Variants in LUZP2 observed in about 807,000 individuals in gnomAD.
LUZP2 encodes the protein leucine zipper protein 2.
A neutral mutation model predicts 51.6 loss-of-function variants in LUZP2; 52 were observed. The ratio of observed to expected loss-of-function variants is 1.01; its 90% CI spans 0.81 to 1.27. The LOEUF (loss-of-function observed/expected upper bound fraction) is 1.27. Among genes scored for constraint, LUZP2 ranks in the 50% most tolerant of loss-of-function variants. The pLI is 0.00. For missense variants in LUZP2, 436 were observed against 395.4 expected, an observed-to-expected ratio of 1.10 and a Z score of -0.87; for synonymous variants, 154 against 137.3, an observed-to-expected ratio of 1.12 and a Z score of -0.85.
chr11:24,910,115 C>G (rs1023034122), intron 6 of LUZP2, among the ~76,000 whole-genome samples: 1 of 151,968 alleles, frequency 6.6e-6, no homozygotes, highest in Non-Finnish European at 1.5e-5. Context: ...TTGCCCCTGC[C>G]CTAGAGTTCT....
rs888888878 is a variant in LUZP2 at position 24,690,005 on chromosome 11, T to C, written c.63-39164T>C. 2.2e-4 allele frequency among the ~76,000 whole-genome samples: 34 copies of C among 152,278 alleles called. 1 individual carries two copies. Among genetic ancestry groups the C allele is most frequent in the Non-Finnish European group, 2.1e-4 (14 of 68,010 alleles). Reference sequence around the variant, plus strand: ...GAAAAGGTGTTTAGCTATTTTCTTATACATGTATTTCTCTATTTTTAGCAG... The same window carrying C: ...GAAAAGGTGTTTAGCTATTTTCTTACACATGTATTTCTCTATTTTTAGCAG... On this transcript the variant is annotated intron_variant, in intron 1 of 11. Coordinates refer to ENST00000336930, the MANE Select transcript of LUZP2 (RefSeq NM_001009909.4).
At chr11:24,818,461 C>G (rs1850253130) in intron 5 of LUZP2, among the ~76,000 whole-genome samples, 1 of 151,828 alleles carries the variant, frequency 6.6e-6, no homozygotes, top group Admixed American at 6.6e-5. Context: ...AAGCAGTGTC[C>G]TAGAGGTGGT....
At chr11:25,036,483 GTT>G (rs1299367271) in intron 9 of LUZP2, among the ~76,000 whole-genome samples, 5 of 151,160 alleles carry the variant, frequency 3.3e-5, no homozygotes, top group African/African-American at 1.2e-4. Context: ...TTCTTCTCTA[GTT>G]TTAGTTATTT....
At chr11:24,602,156 ATGTATATATG>A (rs1314508989) in intron 1 of LUZP2, among the ~76,000 whole-genome samples, 1,773 of 122,058 alleles carry the variant, frequency 0.015, 59 homozygotes, top group African/African-American at 0.024. Flanking sequence ...ATATGTATAT[ATGTATATATG>A]TGTATATATA....
chr11:24,645,686 A>T (rs1855440991), intron 1 of LUZP2, among the ~76,000 whole-genome samples: 1 of 152,134 alleles, frequency 6.6e-6, no homozygotes, highest in African/African-American at 2.4e-5. Flanking sequence ...TTTCACAAAA[A>T]ATTAAATATA....
intron 1 of LUZP2, among the ~76,000 whole-genome samples, chr11:24,579,000 A>G (rs899965706): frequency 3.3e-5 from 5 of 152,144 alleles, no homozygotes; most frequent in African/African-American, 1.2e-4. Flanking sequence ...ATCTTTATAG[A>G]AAAAATTTTC....
At chr11:25,053,571 T>G in intron 10 of LUZP2, among the ~76,000 whole-genome samples, 1 of 150,220 alleles carries the variant, frequency 6.7e-6, no homozygotes, top group Non-Finnish European at 1.5e-5. Context: ...ATACAATGAG[T>G]CCTCATCCCC....
intron 3 of LUZP2, among the ~76,000 whole-genome samples, chr11:24,736,356 A>G (rs1022358958): frequency 6.6e-6 from 1 of 152,006 alleles, no homozygotes; most frequent in Non-Finnish European, 1.5e-5. Flanking sequence ...AAATTGCTTA[A>G]AAATTTATTA....
At chr11:24,817,595 G>C (rs1406218764) in intron 5 of LUZP2, among the ~76,000 whole-genome samples, 1 of 152,058 alleles carries the variant, frequency 6.6e-6, no homozygotes, top group East Asian at 1.9e-4. Context: ...ATGAATACAA[G>C]TTCTTGAAAA....
chr11:24,759,076 A>C (rs952293503), intron 4 of LUZP2, among the ~76,000 whole-genome samples: 2 of 152,152 alleles, frequency 1.3e-5, no homozygotes, highest in African/African-American at 4.8e-5. Context: ...TGTGACCCTA[A>C]TGGAAAACCC....
chr11:24,585,387 GT>G (rs1284775171), intron 1 of LUZP2, among the ~76,000 whole-genome samples: 1 of 152,166 alleles, frequency 6.6e-6, no homozygotes, highest in Non-Finnish European at 1.5e-5. Context: ...TTGTAAATCA[GT>G]AGCCAGTGTC....
chr11:24,890,428 A>G (rs137868196), intron 5 of LUZP2, among the ~76,000 whole-genome samples: 1,692 of 152,322 alleles, frequency 0.011, 34 homozygotes, highest in African/African-American at 0.031. Context: ...GTATTCAGCT[A>G]TGCAGATGCA....
intron 1 of LUZP2, among the ~76,000 whole-genome samples, chr11:24,676,492 A>T (rs1856555555): frequency 6.6e-6 from 1 of 152,212 alleles, no homozygotes; most frequent in Non-Finnish European, 1.5e-5. Context: ...AGAGATTGTA[A>T]CATAAATTAA....
At chr11:24,694,901 C>T (rs1010819039) in intron 1 of LUZP2, among the ~76,000 whole-genome samples, 4 of 149,946 alleles carry the variant, frequency 2.7e-5, no homozygotes, top group East Asian at 3.9e-4. Flanking sequence ...AGGGGAACAT[C>T]ACACATTGGG....
chr11:24,711,564 C>T (rs1320900990), intron 1 of LUZP2, among the ~76,000 whole-genome samples: 1 of 152,016 alleles, frequency 6.6e-6, no homozygotes, highest in Non-Finnish European at 1.5e-5. Flanking sequence ...GATGATTATG[C>T]GGATGGAGTT....
At chr11:24,812,213 C>A (rs1564925647) in intron 5 of LUZP2, among the ~76,000 whole-genome samples, 1 of 151,846 alleles carries the variant, frequency 6.6e-6, no homozygotes, top group Non-Finnish European at 1.5e-5. Context: ...GTAAACATAA[C>A]TTTTACACAA....
At chr11:24,711,267 G>C (rs946952925) in intron 1 of LUZP2, among the ~76,000 whole-genome samples, 2 of 136,520 alleles carry the variant, frequency 1.5e-5, no homozygotes, top group Admixed American at 1.5e-4. Flanking sequence ...GGCTAACACG[G>C]TGAAACCCCC....
At chr11:24,511,551 G>A (rs1850312421) in intron 1 of LUZP2, among the ~76,000 whole-genome samples, 1 of 152,028 alleles carries the variant, frequency 6.6e-6, no homozygotes, top group South Asian at 2.1e-4. Flanking sequence ...ACTAAAATAG[G>A]AGTATTCATA....
At chr11:24,991,315 C>T (rs1228157196) in intron 9 of LUZP2, among the ~76,000 whole-genome samples, 1 of 149,596 alleles carries the variant, frequency 6.7e-6, no homozygotes. Flanking sequence ...CTTGTTATGG[C>T]TGAGTAGTAT....
Sources: gnomAD v4.1 joint callset for allele counts (sites outside exome capture counted in the v4.1 genomes callset) on GRCh38, gnomAD v4.1.1 for gene constraint, MANE v1.5 for transcripts, NCBI Gene and HGNC (gene_info 2026-07-23, HGNC 2026-07-21) for gene names.